WWOX: variants seen among roughly 807,000 people sequenced by gnomAD.
WWOX encodes the protein WW domain-containing oxidoreductase.
Under a neutral mutation model 46.2 loss-of-function variants are expected in WWOX, and 69 were observed. The observed-to-expected ratio is 1.49, with a 90% CI of 1.23 to 1.82. The LOEUF (loss-of-function observed/expected upper bound fraction) is 1.82, where lower values mean the gene tolerates loss of function less well. Among genes scored for constraint, WWOX ranks in the 40% most tolerant of loss-of-function variants. The pLI, the probability that WWOX is intolerant of heterozygous loss-of-function variation, is 0.00. For synonymous variants in WWOX, 359 were observed against 202.6 expected (o/e 1.77, Z -6.56); for missense variants, 919 against 542.6 (o/e 1.69, Z -6.89).
intron 8 of WWOX, among the ~76,000 whole-genome samples, chr16:78,639,651 C>A (rs1171467626): frequency 6.6e-6 from 1 of 151,870 alleles, no homozygotes; most frequent in Non-Finnish European, 1.5e-5. Context: ...GCAACCTCTG[C>A]CTCCCAGGTT....
chr16:78,195,360 C>T (rs2036015115), intron 5 of WWOX, among the ~76,000 whole-genome samples: 1 of 152,068 alleles, frequency 6.6e-6, no homozygotes, highest in African/African-American at 2.4e-5. Flanking sequence ...ACTTTTCATC[C>T]CTGGGACCCA....
chr16:78,184,098 C>T (rs1370470099), intron 5 of WWOX, among the ~76,000 whole-genome samples: 3 of 152,108 alleles, frequency 2.0e-5, no homozygotes, highest in Admixed American at 6.5e-5. Context: ...TCGGTGCTCA[C>T]GGTAATGCTT....
At chr16:78,920,029 T>A (rs2045342711) in intron 8 of WWOX, among the ~76,000 whole-genome samples, 1 of 152,198 alleles carries the variant, frequency 6.6e-6, no homozygotes, top group African/African-American at 2.4e-5. Flanking sequence ...ATTGTATCAG[T>A]CAGCGTAGAC....
At chr16:79,119,675 C>G (rs192300913) in intron 8 of WWOX, among the ~76,000 whole-genome samples, 1 of 152,322 alleles carries the variant, frequency 6.6e-6, no homozygotes, top group African/African-American at 2.4e-5. Flanking sequence ...GACTGTCCAG[C>G]CGGGAGGACA....
At chr16:78,484,564 T>C (rs1474598487) in intron 8 of WWOX, among the ~76,000 whole-genome samples, 1 of 152,240 alleles carries the variant, frequency 6.6e-6, no homozygotes, top group African/African-American at 2.4e-5. Flanking sequence ...TAATCACGTA[T>C]ACTTAAGCAG....
intron 8 of WWOX, among the ~76,000 whole-genome samples, chr16:78,442,692 C>G (rs143403705): frequency 2.0e-5 from 3 of 152,102 alleles, no homozygotes; most frequent in Non-Finnish European, 4.4e-5. Flanking sequence ...ATAAAAACCT[C>G]ATATGGGCCA....
intron 8 of WWOX, among the ~76,000 whole-genome samples, chr16:78,990,793 C>T (rs148318055): frequency 1.3e-5 from 2 of 152,288 alleles, no homozygotes; most frequent in African/African-American, 4.8e-5. Context: ...GATCCCTCTG[C>T]TGTCTTAATC....
At chr16:78,418,935 G>A (rs1234367428) in intron 6 of WWOX, among the ~76,000 whole-genome samples, 1 of 151,918 alleles carries the variant, frequency 6.6e-6, no homozygotes, top group African/African-American at 2.4e-5. Flanking sequence ...AGAAATCCTA[G>A]CTAGGGAAAT....
rs182411805 is a variant in WWOX, at chr16:78,580,098, G to A, written c.1056+147346G>A. Among the ~76,000 whole-genome samples the A allele has an allele frequency of 4.1e-3, 611 of 147,486 alleles. 7 individuals carry two copies. Among genetic ancestry groups the A allele is most frequent in the African/African-American group, 0.015 (587 of 39,906 alleles). On this transcript the variant is annotated intron_variant, in intron 8 of 8. Coordinates refer to ENST00000566780, the MANE Select transcript of WWOX (RefSeq NM_016373.4). ...AAATTTTTTTTTTTTTTTTGAGACC[G>A]AGTCTTGCTCTGTCACCCAGGCTGG...
chr16:78,996,069 A>G, intron 8 of WWOX: 1 of 377,110 alleles, frequency 2.7e-6, no homozygotes, highest in Non-Finnish European at 3.7e-6. Context: ...ATCCAGATCC[A>G]AAAAGTTATT....
intron 5 of WWOX, among the ~76,000 whole-genome samples, chr16:78,382,226 C>T (rs1567538705): frequency 6.6e-6 from 1 of 152,202 alleles, no homozygotes; most frequent in African/African-American, 2.4e-5. Flanking sequence ...TAGCACGTTG[C>T]ACCTTCTAGA....
At chr16:78,899,932 C>T (rs1389289802) in intron 8 of WWOX, among the ~76,000 whole-genome samples, 9 of 152,082 alleles carry the variant, frequency 5.9e-5, no homozygotes, top group Admixed American at 6.6e-5. Context: ...GCAGGTGTTC[C>T]ATGAAGCTGT....
intron 8 of WWOX, among the ~76,000 whole-genome samples, chr16:79,161,217 A>G (rs933322449): frequency 2.0e-5 from 3 of 152,054 alleles, no homozygotes; most frequent in Non-Finnish European, 2.9e-5. Context: ...ATGACATTTG[A>G]GTGCACACAG....
chr16:78,782,351 G>T (rs1359031149), intron 8 of WWOX, among the ~76,000 whole-genome samples: 1 of 151,986 alleles, frequency 6.6e-6, no homozygotes, highest in Non-Finnish European at 1.5e-5. Context: ...CTTTTCTTTG[G>T]CCACTGTTTT....
intron 1 of WWOX, among the ~76,000 whole-genome samples, chr16:78,106,213 C>T (rs1377642192): frequency 2.0e-5 from 3 of 152,168 alleles, no homozygotes; most frequent in Admixed American, 6.5e-5. Flanking sequence ...AATGCAAGTC[C>T]ATCTCTTAAC....
intron 5 of WWOX, among the ~76,000 whole-genome samples, chr16:78,226,172 A>T (rs2037047788): frequency 6.6e-6 from 1 of 152,154 alleles, no homozygotes; most frequent in African/African-American, 2.4e-5. Context: ...TAAGCCCTCA[A>T]AGCTGAGCCC....
At chr16:78,805,526 G>A (rs1488366897) in intron 8 of WWOX, among the ~76,000 whole-genome samples, 6 of 151,816 alleles carry the variant, frequency 4.0e-5, no homozygotes, top group Admixed American at 1.3e-4. Flanking sequence ...ATCGTGATCC[G>A]CCCGCCTCAG....
At chr16:78,193,052 G>A (rs967688786) in intron 5 of WWOX, among the ~76,000 whole-genome samples, 32 of 152,300 alleles carry the variant, frequency 2.1e-4, no homozygotes, top group Non-Finnish European at 3.5e-4. Context: ...TTCTCACAGC[G>A]TCTCCTTGCA....
chr16:79,178,711 G>A (rs745956650), intron 8 of WWOX, among the ~76,000 whole-genome samples: 4 of 152,162 alleles, frequency 2.6e-5, no homozygotes, highest in East Asian at 1.9e-4. Context: ...AAAGGTATGG[G>A]ATGTGCCTAC....
Sources: gnomAD v4.1 joint callset for allele counts (sites outside exome capture counted in the v4.1 genomes callset) on GRCh38, gnomAD v4.1.1 for gene constraint, MANE v1.5 for transcripts, NCBI Gene and HGNC (gene_info 2026-07-23, HGNC 2026-07-21) for gene names.